The following HSDL2 variants were observed in gnomAD, a reference collection of about 807,000 sequenced individuals.
HSDL2 encodes hydroxysteroid dehydrogenase like 2, also known as hydroxysteroid dehydrogenase-like protein 2.
In HSDL2, 27 loss-of-function variants were observed where a neutral mutation model predicts 46.3. The observed-to-expected ratio is 0.58, with a 90% confidence interval of 0.43 to 0.80. The LOEUF (loss-of-function observed/expected upper bound fraction) is 0.80. HSDL2 is among the 30% of genes least tolerant of loss of function. HSDL2 has a pLI of 0.00. For synonymous variants in HSDL2, 153 were observed against 163.6 expected (o/e 0.94, Z 0.50); for missense variants, 451 against 502.7 (o/e 0.90, Z 0.98).
Position 112,416,840 on chromosome 9 carries a change from G to T in HSDL2, c.396-1G>T, listed in dbSNP as rs747395603. 6.2e-6 allele frequency: 9 copies of T among 1,448,704 alleles called. No homozygotes were observed. In the Admixed American group the frequency reaches 1.0e-4, roughly 17 times the overall value. The allele number at this position is 1,448,704 out of a possible 1,614,324, so 89.7% of individuals were successfully genotyped here. A position where few individuals can be genotyped will look rare whatever the true frequency, so the allele number is the denominator to read the frequency against. ...TGGCTTGTATTTTCTTTTGCTTTCA[G>T]ATCTAAAGCATGTATTCCTTATTTG... On this transcript the variant is annotated splice_acceptor_variant, in intron 4 of 10. Transcript: ENST00000398805. LOFTEE classifies it high-confidence loss of function.
At chr9:112,405,572 G>A (rs989006090) in intron 2 of HSDL2, 52 bp from the exon 3 acceptor site, 78 of 1,242,444 alleles carry the variant, frequency 6.3e-5, no homozygotes, top group Non-Finnish European at 9.0e-5. Context: ...GGAATTAAAG[G>A]TATAATATTT....
intron 1 of HSDL2, among the ~76,000 whole-genome samples, chr9:112,382,027 C>G (rs1031299748): frequency 2.0e-5 from 3 of 152,128 alleles, no homozygotes; most frequent in Non-Finnish European, 4.4e-5. Flanking sequence ...CACTGGAGGT[C>G]AAGAGTTCGA....
chr9:112,439,719 T>C (rs556707579), intron 7 of HSDL2, among the ~76,000 whole-genome samples: 60 of 152,344 alleles, frequency 3.9e-4, no homozygotes, highest in Middle Eastern at 3.4e-3. Flanking sequence ...AAAGCACTCT[T>C]ATATGCATTA....
At chr9:112,432,617 T>C (rs1379666059) in intron 6 of HSDL2, among the ~76,000 whole-genome samples, 1 of 152,200 alleles carries the variant, frequency 6.6e-6, no homozygotes, top group Non-Finnish European at 1.5e-5. Flanking sequence ...TGCTGAGATC[T>C]TTGCTTTAGC....
chr9:112,390,651 C>T (rs1393461051), intron 1 of HSDL2, among the ~76,000 whole-genome samples: 1 of 151,992 alleles, frequency 6.6e-6, no homozygotes, highest in East Asian at 1.9e-4. Context: ...CAGGGTCTCA[C>T]TATGTTGCCC....
At chr9:112,460,032 G>T (rs7028131) in intron 10 of HSDL2, among the ~76,000 whole-genome samples, 145,509 of 152,328 alleles carry the variant, frequency 0.96, 69,559 homozygotes, top group African/African-American at 0.98. Context: ...CTGCTTTCTG[G>T]GGAGTCCTAA....
At chr9:112,453,393 T>C (rs1488840229) in intron 8 of HSDL2, among the ~76,000 whole-genome samples, 1 of 152,130 alleles carries the variant, frequency 6.6e-6, no homozygotes, top group Non-Finnish European at 1.5e-5. Flanking sequence ...TAGGTCTGTT[T>C]CTTTTATTTA....
At chr9:112,443,109 A>G (rs1832676319) in intron 8 of HSDL2, among the ~76,000 whole-genome samples, 1 of 152,194 alleles carries the variant, frequency 6.6e-6, no homozygotes, top group Non-Finnish European at 1.5e-5. Flanking sequence ...CAAACTCTAG[A>G]AGAGTCTGGT....
intron 10 of HSDL2, among the ~76,000 whole-genome samples, chr9:112,468,409 TAGG>T (rs1564138304): frequency 6.6e-6 from 1 of 152,214 alleles, no homozygotes; most frequent in Non-Finnish European, 1.5e-5. Flanking sequence ...TTTCACCTTC[TAGG>T]AGATCGACTC....
intron 6 of HSDL2, 21 bp from the exon 7 acceptor site, chr9:112,438,410 G>A (rs1832572775): frequency 1.3e-6 from 2 of 1,508,184 alleles, no homozygotes; most frequent in Non-Finnish European, 1.8e-6. Flanking sequence ...GAGTGTATGT[G>A]TGTGTGTGTT....
chr9:112,398,640 T>G (rs11496554), intron 1 of HSDL2, among the ~76,000 whole-genome samples: 255 of 151,688 alleles, frequency 1.7e-3, no homozygotes, highest in African/African-American at 5.9e-3. Flanking sequence ...CACAGAAAAC[T>G]GTGGTAACTG....
intron 8 of HSDL2, among the ~76,000 whole-genome samples, chr9:112,449,716 T>C (rs933888828): frequency 7.9e-5 from 12 of 151,784 alleles, no homozygotes; most frequent in East Asian, 2.0e-4. Context: ...ATACAAAAAA[T>C]TAGTCGGGTG....
At position 112,408,971 on chromosome 9, in the gene HSDL2, C is replaced by G; in HGVS notation, c.345C>G (p.Thr115=). 6.2e-7 allele frequency: 1 copy of G among 1,609,730 alleles called. No homozygotes were observed. The highest frequency in any genetic ancestry group is 8.5e-7 in the Non-Finnish European group (1 of 1,177,204). Residue 115 remains threonine (T), a synonymous_variant, in exon 4 of 11, where the codon ACC becomes ACG. Transcript: ENST00000398805. ...ISLTNTLDTP[T]KRLDLMMNVN... ...TGACCAATACATTGGACACACCTAC[C>G]AAGAGATTGGATCTGATGATGAACG...
At chr9:112,431,259 C>T (rs912723478) in intron 6 of HSDL2, among the ~76,000 whole-genome samples, 2 of 151,724 alleles carry the variant, frequency 1.3e-5, no homozygotes, top group Admixed American at 1.3e-4. Flanking sequence ...GTCAGGAGAG[C>T]GGTCCAGGTT....
intron 6 of HSDL2, among the ~76,000 whole-genome samples, chr9:112,425,186 A>G (rs1832218696): frequency 6.6e-6 from 1 of 151,958 alleles, no homozygotes; most frequent in Non-Finnish European, 1.5e-5. Flanking sequence ...CTACTACTTA[A>G]TGCTGTGTTA....
intron 9 of HSDL2, among the ~76,000 whole-genome samples, chr9:112,454,702 A>T (rs1832974446): frequency 6.6e-6 from 1 of 151,764 alleles, no homozygotes; most frequent in Admixed American, 6.6e-5. Flanking sequence ...TTTTATTTTT[A>T]AAAATTTATA....
At chr9:112,428,808 A>G (rs927506146) in intron 6 of HSDL2, among the ~76,000 whole-genome samples, 3 of 152,186 alleles carry the variant, frequency 2.0e-5, no homozygotes, top group Non-Finnish European at 4.4e-5. Flanking sequence ...AAGTTGATAC[A>G]GAGAGTTAGG....
At chr9:112,457,863 G>C (rs2132700895) in intron 9 of HSDL2, among the ~76,000 whole-genome samples, 1 of 152,272 alleles carries the variant, frequency 6.6e-6, no homozygotes, top group South Asian at 2.1e-4. Context: ...GTCCAGGCAT[G>C]CACCCTCAAG....
chr9:112,405,808 T>G (rs538516735), intron 3 of HSDL2, 86 bp downstream of exon 3: 66 of 865,560 alleles, frequency 7.6e-5, no homozygotes, highest in Non-Finnish European at 1.0e-4. Flanking sequence ...TGTTTTGAGT[T>G]TTGAATTTTC....
Sources: allele counts gnomAD v4.1 joint callset (sites outside exome capture counted in the v4.1 genomes callset), GRCh38; gene constraint gnomAD v4.1.1; transcripts MANE v1.5; gene names NCBI Gene and HGNC (gene_info 2026-07-23, HGNC 2026-07-21).